FAM135B: variants seen among roughly 807,000 people sequenced by gnomAD.
FAM135B encodes the protein family with sequence similarity 135 member B, also known as protein FAM135B.
FAM135B carries 43 observed loss-of-function variants against 127.7 expected under a neutral mutation model. The ratio of observed to expected loss-of-function variants is 0.34; its 90% confidence interval spans 0.26 to 0.43. The LOEUF (loss-of-function observed/expected upper bound fraction) is 0.43, where lower values mean the gene tolerates loss of function less well. Ranked by LOEUF, FAM135B falls within the 20% of genes least tolerant of loss-of-function variation. The pLI, the probability that FAM135B is intolerant of heterozygous loss-of-function variation, is 1.00. For missense variants in FAM135B, 1,558 were observed against 1,725.6 expected (o/e 0.90, Z 1.72); for synonymous variants, 670 against 665.1 (o/e 1.01, Z -0.11).
intron 1 of FAM135B, among the ~76,000 whole-genome samples, chr8:138,479,893 G>A (rs1384178294): frequency 6.6e-6 from 1 of 152,144 alleles, no homozygotes; most frequent in African/African-American, 2.4e-5. Flanking sequence ...TGATATCCCT[G>A]TGCACCTAAT....
intron 1 of FAM135B, among the ~76,000 whole-genome samples, chr8:138,442,721 A>G (rs1408902934): frequency 6.6e-6 from 1 of 152,116 alleles, no homozygotes; most frequent in Non-Finnish European, 1.5e-5. Flanking sequence ...CCAATTCACC[A>G]AGTCCCCTTA....
At chr8:138,270,409 G>T (rs1262188355) in intron 3 of FAM135B, among the ~76,000 whole-genome samples, 1 of 152,210 alleles carries the variant, frequency 6.6e-6, no homozygotes, top group East Asian at 1.9e-4. Context: ...GTTCAGAAAT[G>T]CTCAGGGCTT....
At chr8:138,426,273 G>A (rs886871858) in intron 1 of FAM135B, among the ~76,000 whole-genome samples, 2 of 150,750 alleles carry the variant, frequency 1.3e-5, no homozygotes, top group Non-Finnish European at 3.0e-5. Flanking sequence ...TCATAATATG[G>A]CACTTCATAT....
At chr8:138,302,208 C>T (rs1825940664) in intron 3 of FAM135B, among the ~76,000 whole-genome samples, 2 of 151,826 alleles carry the variant, frequency 1.3e-5, no homozygotes, top group Non-Finnish European at 2.9e-5. Context: ...GTGAGGAGTC[C>T]GAGGTCATCC....
chr8:138,411,538 A>G (rs1004047052), intron 1 of FAM135B, among the ~76,000 whole-genome samples: 2 of 152,190 alleles, frequency 1.3e-5, no homozygotes, highest in Non-Finnish European at 2.9e-5. Context: ...AAACCCTAGA[A>G]GAAAACCTAG....
chr8:138,372,915 T>G (rs1375956870), intron 1 of FAM135B, among the ~76,000 whole-genome samples: 1 of 152,004 alleles, frequency 6.6e-6, no homozygotes. Context: ...CCCCCATCAC[T>G]GGGAGTATGC....
At chr8:138,378,673 T>C (rs1310224318) in intron 1 of FAM135B, among the ~76,000 whole-genome samples, 2 of 151,796 alleles carry the variant, frequency 1.3e-5, no homozygotes, top group Non-Finnish European at 2.9e-5. Context: ...TTCACCCCCT[T>C]AATGTTGAAA....
chr8:138,240,517 A>G (rs1259557121), intron 7 of FAM135B, among the ~76,000 whole-genome samples: 3 of 152,138 alleles, frequency 2.0e-5, no homozygotes, highest in Non-Finnish European at 4.4e-5. Flanking sequence ...AGCTTCCTAC[A>G]TGAATATGAT....
intron 2 of FAM135B, among the ~76,000 whole-genome samples, chr8:138,341,937 T>C (rs1476043277): frequency 6.6e-6 from 1 of 152,072 alleles, no homozygotes. Context: ...CACTACTCTA[T>C]ATACTATTTT....
intron 3 of FAM135B, among the ~76,000 whole-genome samples, chr8:138,284,516 C>A (rs935591284): frequency 6.6e-6 from 1 of 152,040 alleles, no homozygotes; most frequent in Non-Finnish European, 1.5e-5. Flanking sequence ...GTTTTGCTTT[C>A]TCCCACCCCT....
intron 7 of FAM135B, among the ~76,000 whole-genome samples, chr8:138,198,500 G>A (rs1004630283): frequency 3.3e-5 from 5 of 152,208 alleles, no homozygotes; most frequent in African/African-American, 1.2e-4. Context: ...GCAGGTGGGT[G>A]AGCAGTAGGT....
intron 3 of FAM135B, among the ~76,000 whole-genome samples, chr8:138,273,287 C>A (rs112976689): frequency 0.016 from 2,471 of 152,282 alleles, 30 homozygotes; most frequent in Non-Finnish European, 0.025. Flanking sequence ...CTCACTGCAA[C>A]CTCCACCTCC....
rs570764114 is a variant in FAM135B at position 138,397,218 on chromosome 8, C to T, written c.-19-29216G>A. Among the ~76,000 whole-genome samples, 12 of 152,278 alleles carry T rather than the reference C, an allele frequency of 7.9e-5. No individual in the cohort carries two copies. The South Asian group carries it at 1.7e-3, about 21-fold the overall frequency. ...TTTCACAGAAATCTGGAGCCAGATT[C>T]CAGGGCACAAAACCACCCACAACAG... On this transcript the variant is annotated intron_variant, in intron 1 of 19. Coordinates refer to ENST00000395297, the MANE Select transcript of FAM135B (RefSeq NM_015912.4).
chr8:138,165,221 A>G (rs1388927035), intron 12 of FAM135B, among the ~76,000 whole-genome samples: 1 of 151,870 alleles, frequency 6.6e-6, no homozygotes, highest in African/African-American at 2.4e-5. Flanking sequence ...CCCAGGTTCA[A>G]GCGATTCTCC....
At chr8:138,346,784 A>G (rs1456432733) in intron 2 of FAM135B, among the ~76,000 whole-genome samples, 1 of 152,078 alleles carries the variant, frequency 6.6e-6, no homozygotes, top group Non-Finnish European at 1.5e-5. Flanking sequence ...TTACCTATGT[A>G]ACAAAGCTTC....
At position 138,132,687 on chromosome 8, in the gene FAM135B, G is replaced by T; in HGVS notation, c.4127C>A (p.Thr1376Asn). ...VFHALPNTANTLIGRAAHIAV... is the reference protein window; with the variant it reads ...VFHALPNTANNLIGRAAHIAV... ...GATGTGAGCGGCTCGGCCGATCAGG[G>T]TGTTGGCAGTGTTGGGCAGGGCGTG... The change falls in exon 20 of 20, where the codon ACC becomes AAC. Residue 1376 changes from threonine to asparagine, a missense_variant. Coordinates refer to ENST00000395297, the MANE Select transcript of FAM135B (RefSeq NM_015912.4). This position sits in a 1 kb window ranked among gnomAD's most constrained non-coding sequence, Gnocchi z 4.5. 1 of 1,614,212 alleles carries T rather than the reference G, an allele frequency of 6.2e-7. No individual in the cohort carries two copies. Among genetic ancestry groups the T allele is most frequent in the South Asian group, 1.1e-5 (1 of 91,078 alleles).
intron 11 of FAM135B, among the ~76,000 whole-genome samples, chr8:138,168,837 C>G (rs147440036): frequency 1.3e-5 from 2 of 152,260 alleles, no homozygotes; most frequent in Non-Finnish European, 2.9e-5. Context: ...ACTCTTCCCT[C>G]AAGGGAAGAA....
At chr8:138,193,703 G>T (rs892315634) in intron 9 of FAM135B, among the ~76,000 whole-genome samples, 2 of 152,314 alleles carry the variant, frequency 1.3e-5, no homozygotes, top group East Asian at 3.9e-4. Context: ...GCCCTGGAAG[G>T]AGAGGCCATC....
At chr8:138,238,722 C>A (rs1820498893) in intron 7 of FAM135B, among the ~76,000 whole-genome samples, 1 of 152,210 alleles carries the variant, frequency 6.6e-6, no homozygotes, top group Admixed American at 6.5e-5. Flanking sequence ...TGTTAATGCG[C>A]TGGGCTTCTC....
Sources: allele counts gnomAD v4.1 joint callset (sites outside exome capture counted in the v4.1 genomes callset), GRCh38; gene constraint gnomAD v4.1.1; non-coding constraint Gnocchi (gnomAD v3.1); transcripts MANE v1.5; gene names NCBI Gene and HGNC (gene_info 2026-07-23, HGNC 2026-07-21).